PCDH15: variants seen among roughly 807,000 people sequenced by gnomAD.
PCDH15 encodes protocadherin-15.
Under a neutral mutation model 178.5 loss-of-function variants are expected in PCDH15, and 129 were observed. The observed-to-expected ratio is 0.72, with a 90% CI of 0.63 to 0.84. The LOEUF (loss-of-function observed/expected upper bound fraction) is 0.84, where lower values mean the gene tolerates loss of function less well. PCDH15 is among the 40% of genes least tolerant of loss of function. The pLI is 0.00. For synonymous variants in PCDH15, 800 were observed against 732.0 expected (o/e 1.09, Z -1.50); for missense variants, 2,230 against 2,099.9 (o/e 1.06, Z -1.21).
chr10:55,217,336 G>A (rs571383510), intron 1 of PCDH15, among the ~76,000 whole-genome samples: 17 of 151,806 alleles, frequency 1.1e-4, no homozygotes, highest in African/African-American at 4.1e-4. Context: ...AAACAAATTG[G>A]TTTTTGCCAT....
At chr10:54,020,119 G>T in intron 20 of PCDH15, 73 bp downstream of exon 20, 3 of 1,238,550 alleles carry the variant, frequency 2.4e-6, no homozygotes, top group Non-Finnish European at 3.6e-6. Flanking sequence ...CATATTATAG[G>T]TATAATAGAA....
chr10:54,853,498 C>T (rs1251434147), intron 3 of PCDH15, among the ~76,000 whole-genome samples: 1 of 147,068 alleles, frequency 6.8e-6, no homozygotes, highest in Non-Finnish European at 1.5e-5. Context: ...TAACTGCTCC[C>T]ATTGTTGAAT....
intron 9 of PCDH15, among the ~76,000 whole-genome samples, chr10:54,227,526 G>C (rs1169464185): frequency 1.3e-5 from 2 of 152,130 alleles, no homozygotes; most frequent in Non-Finnish European, 2.9e-5. Flanking sequence ...TGGTGGGAGG[G>C]GCTGTCATGA....
At chr10:55,611,840 T>A (rs1431656172) in intron 2 of PCDH15, among the ~76,000 whole-genome samples, 2 of 152,036 alleles carry the variant, frequency 1.3e-5, no homozygotes, top group Non-Finnish European at 2.9e-5. Context: ...ATTCAGCTTT[T>A]AAAAAGGAGA....
chr10:53,910,187 C>G (rs182606065), intron 25 of PCDH15, among the ~76,000 whole-genome samples: 90 of 152,300 alleles, frequency 5.9e-4, no homozygotes, highest in African/African-American at 2.2e-3. Context: ...GCTCTGAGAA[C>G]AGACAGACTG....
intron 3 of PCDH15, among the ~76,000 whole-genome samples, chr10:54,508,019 C>T (rs188139186): frequency 1.5e-4 from 23 of 152,046 alleles, no homozygotes; most frequent in Non-Finnish European, 2.6e-4. Flanking sequence ...ACATTACTTC[C>T]TCTAACCTGC....
At chr10:54,162,316 C>A (rs1273511609) in intron 13 of PCDH15, among the ~76,000 whole-genome samples, 1 of 152,114 alleles carries the variant, frequency 6.6e-6, no homozygotes, top group Non-Finnish European at 1.5e-5. Context: ...CTCCATGCTA[C>A]CTTTGTAAAA....
intron 2 of PCDH15, among the ~76,000 whole-genome samples, chr10:55,560,178 A>C (rs1004881781): frequency 6.6e-6 from 1 of 151,900 alleles, no homozygotes; most frequent in Non-Finnish European, 1.5e-5. Flanking sequence ...TAGGTCCAGG[A>C]AAAAATGTAT....
chr10:54,424,674 C>T (rs911742166), intron 3 of PCDH15, among the ~76,000 whole-genome samples: 2 of 151,936 alleles, frequency 1.3e-5, no homozygotes, highest in African/African-American at 4.8e-5. Context: ...GAATACTATG[C>T]AGCCATAAAA....
At chr10:55,462,078 A>C (rs2132093739) in intron 2 of PCDH15, among the ~76,000 whole-genome samples, 1 of 152,190 alleles carries the variant, frequency 6.6e-6, no homozygotes, top group South Asian at 2.1e-4. Flanking sequence ...ATATTAGTTT[A>C]CCTAGCTTGA....
intron 5 of PCDH15, among the ~76,000 whole-genome samples, chr10:54,352,058 A>T (rs1944270114): frequency 6.6e-6 from 1 of 152,218 alleles, no homozygotes; most frequent in Non-Finnish European, 1.5e-5. Flanking sequence ...TTCCACTGGC[A>T]TCAATATCAT....
At chr10:55,351,278 T>C (rs1463128724) in intron 2 of PCDH15, among the ~76,000 whole-genome samples, 1 of 151,770 alleles carries the variant, frequency 6.6e-6, no homozygotes, top group African/African-American at 2.4e-5. Flanking sequence ...ATACATCCTT[T>C]CAATGACAAT....
intron 15 of PCDH15, among the ~76,000 whole-genome samples, chr10:54,114,448 C>T (rs1030883423): frequency 6.6e-6 from 1 of 152,102 alleles, no homozygotes; most frequent in Non-Finnish European, 1.5e-5. Flanking sequence ...AAATCAGATC[C>T]ACATGATAGT....
At chr10:55,608,516 T>C (rs932568810) in intron 2 of PCDH15, among the ~76,000 whole-genome samples, 16 of 151,772 alleles carry the variant, frequency 1.1e-4, no homozygotes, top group Non-Finnish European at 2.4e-4. Context: ...TCTTTTCATA[T>C]GAATTTACTT....
chr10:53,875,220 C>T (rs1208923829), intron 26 of PCDH15, among the ~76,000 whole-genome samples: 1 of 152,000 alleles, frequency 6.6e-6, no homozygotes, highest in Non-Finnish European at 1.5e-5. Context: ...TAACAAGTAA[C>T]TCACACCTAG....
At position 54,169,463 on chromosome 10, in the gene PCDH15, C is replaced by T. The variant is rs546051080; in HGVS notation, c.1590+13981G>A. 6.7e-3 allele frequency among the ~76,000 whole-genome samples: 927 copies of T among 138,576 alleles called. 7 individuals carry two copies. Among genetic ancestry groups the T allele is most frequent in the African/African-American group, 0.024 (872 of 37,008 alleles). 90.9% of individuals were successfully genotyped at this position (138,576 alleles called of 152,430 possible). A position where few individuals can be genotyped will look rare whatever the true frequency, so the allele number is the denominator to read the frequency against. On this transcript the variant is annotated intron_variant, in intron 13 of 37. Coordinates refer to ENST00000644397, the MANE Select transcript of PCDH15 (RefSeq NM_001384140.1). ...AACTCTGTTGCCAACTTAGACCATA[C>T]TCTTTTAAGCACTCCTTTTTAGTTA...
At chr10:54,679,373 T>C (rs2135620651) in intron 1 of PCDH15, among the ~76,000 whole-genome samples, 1 of 152,228 alleles carries the variant, frequency 6.6e-6, no homozygotes, top group South Asian at 2.1e-4. Context: ...AAAAACACAC[T>C]AGCAAAACAC....
rs145134055 is a variant in PCDH15, at chr10:55,256,613, A to C, written c.-156+62986T>G. ...GGCTCGGAGGGTCCCATGCCCATGA[A>C]GCCTCGCTCATTGCTAGCACAGCAG... is the stretch of plus-strand genomic sequence containing the variant. On this transcript the variant is annotated intron_variant, in intron 1 of 5. Coordinates refer to the PCDH15 transcript ENST00000458638. Among the ~76,000 whole-genome samples, 481 of 152,280 alleles carry C rather than the reference A, an allele frequency of 3.2e-3. 2 individuals carry two copies. The highest frequency in any genetic ancestry group is 0.011 in the African/African-American group (448 of 41,562).
chr10:55,619,046 A>G (rs903996389), intron 2 of PCDH15, among the ~76,000 whole-genome samples: 3 of 152,074 alleles, frequency 2.0e-5, no homozygotes, highest in Non-Finnish European at 4.4e-5. Flanking sequence ...AACTGTGTCA[A>G]CACTGTACTG....
Sources: gnomAD v4.1 joint callset for allele counts (sites outside exome capture counted in the v4.1 genomes callset) on GRCh38, gnomAD v4.1.1 for gene constraint, MANE v1.5 for transcripts, NCBI Gene and HGNC (gene_info 2026-07-23, HGNC 2026-07-21) for gene names.